Variants in FER1L5 observed in about 807,000 individuals in gnomAD.
The protein encoded by FER1L5 is fer-1 like family member 5.
Under a neutral mutation model 279.9 loss-of-function variants are expected in FER1L5, and 187 were observed. The ratio of observed to expected loss-of-function variants is 0.67; its 90% CI spans 0.59 to 0.75. The LOEUF (loss-of-function observed/expected upper bound fraction) is 0.75. Ranked by LOEUF, FER1L5 falls within the 30% of genes least tolerant of loss-of-function variation. The probability of loss-of-function intolerance (pLI) is 0.00; values close to 1 mark genes in which losing one functional copy is unlikely to be tolerated. For synonymous variants in FER1L5, 921 were observed against 989.7 expected (o/e 0.93, Z 1.30); for missense variants, 2,091 against 2,594.4 (o/e 0.81, Z 4.21).
rs996351964 is a variant in FER1L5 at position 96,660,274 on chromosome 2, G to A, written c.748-67G>A. 17 of 1,528,322 alleles carry A rather than the reference G, an allele frequency of 1.1e-5. No individual in the cohort carries two copies. In the African/African-American group the frequency reaches 1.4e-4, roughly 12 times the overall value. 94.7% of individuals were successfully genotyped at this position (1,528,322 alleles called of 1,614,324 possible). A position where few individuals can be genotyped will look rare whatever the true frequency, so the allele number is the denominator to read the frequency against. On this transcript the variant is annotated intron_variant, in intron 9 of 52. Coordinates refer to ENST00000624922, the MANE Select transcript of FER1L5 (RefSeq NM_001293083.2). ...CCCCAACAGCTAGCAGTTGGGTCAG[G>A]TTAGTTGGTATTACAAATCTTGGCT...
intron 18 of FER1L5, 141 bp downstream of exon 18, chr2:96,670,388 T>TTAGTAAATAATCAGGCC: frequency 1.7e-6 from 2 of 1,147,608 alleles, no homozygotes; most frequent in Non-Finnish European, 2.4e-6. Flanking sequence ...TCAATCGGCC[T>TTAGTAAATAATCAGGCC]GATTATTTAC....
rs2075732527 is a variant in FER1L5 at position 96,659,290 on chromosome 2, T to TGCCTTCCTTCCTTCCTTCCTTCC, written c.748-1051_748-1050insGCCTTCCTTCCTTCCTTCCTTCC. On this transcript the variant is annotated intron_variant, in intron 9 of 52. Transcript: ENST00000624922. The stretch of plus-strand genomic sequence containing the variant: ...TTTGATGAAGTCCAATTTATCAAGC[T>TGCCTTCCTTCCTTCCTTCCTTCC]TTCCTTCCTTCCTTCCTTCCTTCCT... Among the ~76,000 whole-genome samples, 26 of 81,030 alleles carry TGCCTTCCTTCCTTCCTTCCTTCC rather than the reference T, an allele frequency of 3.2e-4. 3 individuals are homozygous for TGCCTTCCTTCCTTCCTTCCTTCC. The highest frequency in any genetic ancestry group is 2.6e-3 in the East Asian group (8 of 3,106). 53.2% of individuals were successfully genotyped at this position (81,030 alleles called of 152,430 possible).
Position 96,701,993 on chromosome 2 carries a change from G to C in FER1L5, c.5109G>C (p.Lys1703Asn), listed in dbSNP as rs1288053069. The C allele has an allele frequency of 6.2e-7, 1 of 1,614,026 alleles. No homozygotes were observed. Among genetic ancestry groups the C allele is most frequent in the South Asian group, 1.1e-5 (1 of 91,086 alleles). ...TGTGGGTGGACATCTTCCCCAAGAA[G>C]CTGGGGCCTCCTGGCCCCCAAGTCA... ...VQMWVDIFPK[K>N]LGPPGPQVNI... The change falls in exon 46 of 53, where the codon AAG (lysine) becomes AAC (asparagine). Residue 1703 changes from lysine (K) to asparagine (N), a missense_variant. Physicochemically the swap from Lys to Asn is moderately conservative, Grantham distance 94. Coordinates refer to ENST00000624922, the MANE Select transcript of FER1L5 (RefSeq NM_001293083.2).
Position 96,686,044 on chromosome 2 carries a change from A to G in FER1L5, c.2000A>G (p.Lys667Arg). Residue 667 changes from lysine (K) to arginine (R), a missense_variant, in exon 22 of 53, where the codon AAG (lysine) becomes AGG (arginine). Transcript: ENST00000624922. Reference sequence around the variant, plus strand: ...CTGCAGGAACTGGCCCAAAAGGCCAAGCAAGCCAAGCCCAAGGACATGGTG... The same window carrying G: ...CTGCAGGAACTGGCCCAAAAGGCCAGGCAAGCCAAGCCCAAGGACATGGTG... ...LLLQELAQKA[K>R]QAKPKDMVAT... 1.9e-6 allele frequency: 3 copies of G among 1,551,654 alleles called. No individual in the cohort carries two copies. Among genetic ancestry groups the G allele is most frequent in the Non-Finnish European group, 2.6e-6 (3 of 1,146,970 alleles).
At chr2:96,648,750 A>T (rs888668475) in intron 4 of FER1L5, among the ~76,000 whole-genome samples, 3 of 152,156 alleles carry the variant, frequency 2.0e-5, no homozygotes, top group African/African-American at 7.2e-5. Context: ...GTTGCTGCAG[A>T]TGGTGGATCT....
At position 96,686,121 on chromosome 2, in the gene FER1L5, G is replaced by T. The variant is rs1001609153; in HGVS notation, c.2073+4G>T. On this transcript the variant is annotated splice_donor_region_variant and intron_variant, in intron 22 of 52. Coordinates refer to ENST00000624922, the MANE Select transcript of FER1L5 (RefSeq NM_001293083.2). ...CCTCAACACCGTGCTCCCTGAGGTG[G>T]GTGCTGCACACACTGGCCTGCAGCA... 6 of 1,549,048 alleles carry T rather than the reference G, an allele frequency of 3.9e-6. No homozygotes were observed. In the African/African-American group the frequency reaches 5.5e-5, roughly 14 times the overall value.
In FER1L5 at chr2:96,687,808, T is replaced by C; in HGVS notation, c.2230-8T>C. 1 of 1,551,064 alleles carries C rather than the reference T, an allele frequency of 6.4e-7. No individual in the cohort carries two copies. The highest frequency in any genetic ancestry group is 8.7e-7 in the Non-Finnish European group (1 of 1,146,920). On this transcript the variant is annotated splice_region_variant and splice_polypyrimidine_tract_variant and intron_variant, in intron 23 of 52. Coordinates refer to ENST00000624922, the MANE Select transcript of FER1L5 (RefSeq NM_001293083.2). ...TGCCCCTGTGGGACCGATCGGCCTC[T>C]GGCTCAGTACCCAGAGGGTGAAGGA...
chr2:96,683,758 C>A (rs1247692672), intron 19 of FER1L5, among the ~76,000 whole-genome samples: 1 of 152,244 alleles, frequency 6.6e-6, no homozygotes, highest in Non-Finnish European at 1.5e-5. Flanking sequence ...AGATTTTCTG[C>A]ATGTTAAATG....
chr2:96,677,584 G>GC (rs1357348366), intron 19 of FER1L5, among the ~76,000 whole-genome samples: 3 of 152,098 alleles, frequency 2.0e-5, no homozygotes, highest in Admixed American at 6.6e-5. Context: ...GAATAAAGCT[G>GC]CCCGGGCACG....
intron 7 of FER1L5, 68 bp from the exon 8 acceptor site, chr2:96,653,572 G>A: frequency 2.4e-6 from 3 of 1,232,976 alleles, no homozygotes; most frequent in Non-Finnish European, 3.5e-6. Flanking sequence ...GAGCTTTCAG[G>A]TTTACTGAGT....
intron 9 of FER1L5, among the ~76,000 whole-genome samples, chr2:96,657,322 G>A (rs866750641): frequency 2.0e-5 from 3 of 151,986 alleles, no homozygotes; most frequent in African/African-American, 4.8e-5. Flanking sequence ...TGATCCGCCC[G>A]CCTCAGCCTC....
At chr2:96,701,793 G>C (rs1053282538) in intron 45 of FER1L5, among the ~76,000 whole-genome samples, 162 bp from the exon 46 acceptor site, 1 of 152,190 alleles carries the variant, frequency 6.6e-6, no homozygotes, top group African/African-American at 2.4e-5. Context: ...GGGGAAGCTG[G>C]TGCGTGGTCA....
chr2:96,647,715 G>A (rs1294027327), intron 3 of FER1L5, 63 bp from the exon 4 acceptor site: 28 of 1,238,866 alleles, frequency 2.3e-5, no homozygotes, highest in Non-Finnish European at 3.1e-5. Context: ...AGCCCTGCCC[G>A]GGAGAGAAGA....
chr2:96,675,323 GT>G (rs760582569), intron 19 of FER1L5, among the ~76,000 whole-genome samples: 39 of 152,250 alleles, frequency 2.6e-4, no homozygotes, highest in South Asian at 8.3e-4. Context: ...CAAAGCAAAA[GT>G]GATTATACCA....
At chr2:96,654,817 T>G (rs1389725935) in intron 9 of FER1L5, 1 of 160,486 alleles carries the variant, frequency 6.2e-6, no homozygotes, top group Non-Finnish European at 1.3e-5. Context: ...GAGAATTGCT[T>G]GAACCCAGGA....
intron 9 of FER1L5, among the ~76,000 whole-genome samples, chr2:96,659,292 T>TCCTC (rs1384933724): frequency 0.012 from 247 of 19,768 alleles, 15 homozygotes; most frequent in African/African-American, 0.034. Context: ...TATCAAGCTT[T>TCCTC]CCTTCCTTCC....
At chr2:96,699,264 T>G in intron 42 of FER1L5, 128 bp downstream of exon 42, 1 of 965,344 alleles carries the variant, frequency 1.0e-6, no homozygotes. Flanking sequence ...GCGTCTTACA[T>G]GCCCTGGTGC....
In FER1L5 at chr2:96,685,293, G is replaced by A. The variant is rs1285185587; in HGVS notation, c.1795-36G>A. ...CCTGTCCAGCTGGGCTCCATGCTGA[G>A]GCGGGCTCTCTCACCATTTCTCTCC... On this transcript the variant is annotated intron_variant, in intron 20 of 52. Coordinates refer to ENST00000624922, the MANE Select transcript of FER1L5 (RefSeq NM_001293083.2). 3.2e-6 allele frequency: 5 copies of A among 1,539,066 alleles called. No individual in the cohort carries two copies. In the Admixed American group the frequency reaches 7.9e-5, roughly 24 times the overall value.
At chr2:96,693,174 CAA>C (rs1160424997) in intron 31 of FER1L5, among the ~76,000 whole-genome samples, 1 of 125,760 alleles carries the variant, frequency 8.0e-6, no homozygotes, top group Non-Finnish European at 1.7e-5. Context: ...AACTCTGACT[CAA>C]AAAAAAAAGA....
Sources: gnomAD v4.1 joint callset for allele counts (sites outside exome capture counted in the v4.1 genomes callset) on GRCh38, gnomAD v4.1.1 for gene constraint, MANE v1.5 for transcripts, NCBI Gene and HGNC (gene_info 2026-07-23, HGNC 2026-07-21) for gene names.